Variants in NFIB observed in about 807,000 individuals in gnomAD.
NFIB encodes nuclear factor 1 B-type.
A neutral mutation model predicts 61.5 loss-of-function variants in NFIB; 11 were observed. The observed-to-expected ratio is 0.18, with a 90% CI of 0.11 to 0.30. The LOEUF is 0.30. Ranked by LOEUF, NFIB falls within the 10% of genes least tolerant of loss-of-function variation. NFIB has a pLI of 1.00. For synonymous variants in NFIB, 260 were observed against 216.5 expected (o/e 1.20, Z -1.76); for missense variants, 471 against 608.9 (o/e 0.77, Z 2.38).
intron 1 of NFIB, among the ~76,000 whole-genome samples, chr9:14,311,073 CAT>C (rs2060257306): frequency 6.6e-6 from 1 of 152,016 alleles, no homozygotes; most frequent in South Asian, 2.1e-4. Flanking sequence ...TATATTAAAT[CAT>C]ATGATAGTTC....
At chr9:14,292,990 T>C (rs1384463168) in intron 2 of NFIB, among the ~76,000 whole-genome samples, 3 of 152,232 alleles carry the variant, frequency 2.0e-5, no homozygotes, top group Non-Finnish European at 4.4e-5. Flanking sequence ...ATCTAAATTG[T>C]ATATTTTCAT....
chr9:14,465,342 C>T, the NFIB span, among the ~76,000 whole-genome samples: 2 of 152,068 alleles, frequency 1.3e-5, no homozygotes, highest in Admixed American at 1.3e-4. Context: ...AGAAAACAAA[C>T]AGAAAGAAAT....
the NFIB span, among the ~76,000 whole-genome samples, chr9:14,407,230 A>G: frequency 6.6e-6 from 1 of 152,250 alleles, no homozygotes; most frequent in African/African-American, 2.4e-5. Context: ...CTAACTAAAT[A>G]TTCTGCAAAT....
At chr9:14,137,703 C>A (rs1001108649) in intron 6 of NFIB, among the ~76,000 whole-genome samples, 2 of 152,062 alleles carry the variant, frequency 1.3e-5, no homozygotes, top group Non-Finnish European at 2.9e-5. Context: ...TAAAAGAAAA[C>A]ATATGTATGA....
chr9:14,333,020 T>A lies in NFIB; in HGVS notation c.109-25500A>T, dbSNP rs537865560. Among the ~76,000 whole-genome samples, 4 of 152,136 alleles carry A rather than the reference T, an allele frequency of 2.6e-5. No homozygotes were observed. In the East Asian group the frequency reaches 7.7e-4, roughly 29 times the overall value. ...ACAGTCAATCAGGGGTATTCAGGGG[T>A]ATCTAGAGAGGAGACAGGATAGAGC... On this transcript the variant is annotated intron_variant, in intron 1 of 8. Transcript: ENST00000380934.
At chr9:14,162,248 A>AT (rs143037724) in intron 3 of NFIB, among the ~76,000 whole-genome samples, 16,107 of 151,454 alleles carry the variant, frequency 0.11, 926 homozygotes, top group East Asian at 0.19. Context: ...TTTATCACTG[A>AT]TTTTTTTTTC....
At chr9:14,349,241 C>A (rs1363908734) in intron 1 of NFIB, among the ~76,000 whole-genome samples, 2 of 152,172 alleles carry the variant, frequency 1.3e-5, no homozygotes, top group Non-Finnish European at 2.9e-5. Flanking sequence ...TTTGGTCTCG[C>A]ATGCGAACCT....
At chr9:14,138,536 A>C (rs894783139) in intron 6 of NFIB, among the ~76,000 whole-genome samples, 1 of 152,054 alleles carries the variant, frequency 6.6e-6, no homozygotes, top group African/African-American at 2.4e-5. Flanking sequence ...AATTGATAAT[A>C]GTACTGTGAT....
Position 14,113,218 on chromosome 9 carries a change from C to A in NFIB, c.1385-137G>T, listed in dbSNP as rs916233880. 4.6e-6 allele frequency: 3 copies of A among 646,518 alleles called. No homozygotes were observed. In the Admixed American group the frequency reaches 9.8e-5, roughly 21 times the overall value. The allele number at this position is 646,518 out of a possible 1,614,324, so 40.0% of individuals were successfully genotyped here. A position where few individuals can be genotyped will look rare whatever the true frequency, so the allele number is the denominator to read the frequency against. On this transcript the variant is annotated intron_variant, in intron 9 of 10. Transcript: ENST00000380953. ...TGTCTTCATTTCTCTTCTCTTTTGT[C>A]TGAGTGAACACCAAGTGATAGAAAA...
rs2060358394 is a variant in NFIB at position 14,313,039 on chromosome 9, C to T, written c.30+443G>A. Among the ~76,000 whole-genome samples, 1 of 152,226 alleles carries T rather than the reference C, an allele frequency of 6.6e-6. No homozygotes were observed. The highest frequency in any genetic ancestry group is 1.5e-5 in the Non-Finnish European group (1 of 68,040). ...CGCCCACACAGACTCGTGCTACAGT[C>T]CCCTCGCCCAAGTTCACTGGCTGTT... On this transcript the variant is annotated intron_variant, in intron 1 of 10. Coordinates refer to ENST00000380953, the MANE Select transcript of NFIB (RefSeq NM_001190737.2). The surrounding 1 kb of genome is among the most constrained non-coding windows in gnomAD (Gnocchi z 4.5).
intron 2 of NFIB, among the ~76,000 whole-genome samples, chr9:14,258,081 T>C (rs138135728): frequency 9.2e-5 from 14 of 152,336 alleles, no homozygotes; most frequent in African/African-American, 2.6e-4. Flanking sequence ...TTTATGAACA[T>C]AGTTAGCATA....
At chr9:14,265,298 C>T (rs1237937699) in intron 2 of NFIB, among the ~76,000 whole-genome samples, 1 of 152,140 alleles carries the variant, frequency 6.6e-6, no homozygotes, top group African/African-American at 2.4e-5. Flanking sequence ...CATGTTGAAG[C>T]CCAACCCCAA....
At chr9:14,146,840 G>A (rs760145190) in intron 5 of NFIB, 33 bp from the exon 6 acceptor site, 1 of 1,594,106 alleles carries the variant, frequency 6.3e-7, no homozygotes, top group Non-Finnish European at 8.5e-7. Flanking sequence ...ATATTAATGG[G>A]ATTTCTGGGA....
At position 14,344,890 on chromosome 9, in the gene NFIB, A is replaced by G. The variant is rs76281402; in HGVS notation, c.109-37370T>C. Among the ~76,000 whole-genome samples the G allele has an allele frequency of 7.8e-4, 119 of 152,312 alleles. 2 individuals carry two copies. Among genetic ancestry groups the G allele is most frequent in the East Asian group, 7.7e-3 (40 of 5,184 alleles). On this transcript the variant is annotated intron_variant, in intron 1 of 8. Transcript: ENST00000380934. ...CATAGCCATCAAGATTAGAAATACA[A>G]TCTTGAGGGTTTAAATAACCAGCAG...
chr9:14,227,765 C>G (rs971721469), intron 2 of NFIB, among the ~76,000 whole-genome samples: 1 of 152,162 alleles, frequency 6.6e-6, no homozygotes, highest in African/African-American at 2.4e-5. Flanking sequence ...CTCCATCTTA[C>G]AAATGAAGAA....
chr9:14,513,257 A>G, the NFIB span, among the ~76,000 whole-genome samples: 1 of 152,102 alleles, frequency 6.6e-6, no homozygotes, highest in Non-Finnish European at 1.5e-5. Context: ...AAAAAGAAAA[A>G]CTTGTTCTTA....
At chr9:14,436,835 A>C in the NFIB span, among the ~76,000 whole-genome samples, 1 of 152,242 alleles carries the variant, frequency 6.6e-6, no homozygotes, top group Non-Finnish European at 1.5e-5. Flanking sequence ...TTCAGTGGAG[A>C]AGAAAACAGA....
chr9:14,125,607 C>G, intron 7 of NFIB, 25 bp downstream of exon 7: 1 of 1,613,002 alleles, frequency 6.2e-7, no homozygotes, highest in Non-Finnish European at 8.5e-7. Context: ...AAGGAGGCTT[C>G]TCCTCTATGC....
the NFIB span, among the ~76,000 whole-genome samples, chr9:14,441,275 C>G: frequency 6.6e-6 from 1 of 151,938 alleles, no homozygotes; most frequent in East Asian, 1.9e-4. Flanking sequence ...CATGGAAAAC[C>G]AAGACATTGC....
Sources: allele counts gnomAD v4.1 joint callset (sites outside exome capture counted in the v4.1 genomes callset), GRCh38; gene constraint gnomAD v4.1.1; non-coding constraint Gnocchi (gnomAD v3.1); transcripts MANE v1.5; gene names NCBI Gene and HGNC (gene_info 2026-07-23, HGNC 2026-07-21).